The following CSF2RA variants were observed in gnomAD, a reference collection of about 807,000 sequenced individuals.
CSF2RA encodes granulocyte-macrophage colony-stimulating factor receptor subunit alpha.
Under a neutral mutation model 51.6 loss-of-function variants are expected in CSF2RA, and 42 were observed. The ratio of observed to expected loss-of-function variants is 0.81; its 90% CI spans 0.64 to 1.05. The LOEUF (loss-of-function observed/expected upper bound fraction) is 1.05, where lower values mean the gene tolerates loss of function less well. Ranked by LOEUF, CSF2RA falls within the 50% of genes least tolerant of loss-of-function variation. The pLI is 0.00. For synonymous variants in CSF2RA, 222 were observed against 193.0 expected (o/e 1.15, Z -1.24); for missense variants, 530 against 501.1 (o/e 1.06, Z -0.55).
At chrX:1,296,057 A>G (rs2091919290) in intron 9 of CSF2RA, among the ~76,000 whole-genome samples, 1 of 148,976 alleles carries the variant, frequency 6.7e-6, no homozygotes, top group Admixed American at 6.7e-5. Context: ...GCGTAACCAT[A>G]CAGTCCCCTA....
chrX:1,274,699 T>C (rs1393490913), intron 1 of CSF2RA, 56 bp from the exon 2 acceptor site: 3 of 451,722 alleles, frequency 6.6e-6, no homozygotes, highest in Non-Finnish European at 4.4e-6. Context: ...CCTAAGACAG[T>C]TTCCACTATA....
At chrX:1,279,899 C>G (rs1347107097) in intron 2 of CSF2RA, among the ~76,000 whole-genome samples, 3 of 151,898 alleles carry the variant, frequency 2.0e-5, no homozygotes, top group Non-Finnish European at 4.4e-5. Context: ...AAGCGATTCT[C>G]CTGCCTCAAC....
chrX:1,269,815 T>C (rs2088128273), intron 1 of CSF2RA, among the ~76,000 whole-genome samples: 1 of 146,612 alleles, frequency 6.8e-6, no homozygotes, highest in Admixed American at 6.8e-5. Flanking sequence ...CTTATTAAGA[T>C]AGTAAAGGGG....
intron 2 of CSF2RA, among the ~76,000 whole-genome samples, chrX:1,277,013 C>T (rs1472326967): frequency 6.6e-6 from 1 of 151,508 alleles, no homozygotes; most frequent in Non-Finnish European, 1.5e-5. Context: ...GCAGGAGGAC[C>T]ACTTGAACCT....
At chrX:1,288,385 G>A (rs1282325602) in intron 4 of CSF2RA, 134 bp from the exon 5 acceptor site, 1 of 910,040 alleles carries the variant, frequency 1.1e-6, no homozygotes, top group East Asian at 2.8e-5. Context: ...GGGAGGCTGA[G>A]GCGGGAGAAT....
chrX:1,274,661 T>C (rs1239219993), intron 1 of CSF2RA, 94 bp from the exon 2 acceptor site: 1 of 441,854 alleles, frequency 2.3e-6, no homozygotes, highest in Non-Finnish European at 4.5e-6. Context: ...TAGTACCTTA[T>C]TTACGAATAA....
At position 1,309,774 on chromosome X, in the gene CSF2RA, G is replaced by C; in HGVS notation, c.*295G>C. ...ACGGCGGCGGACGCCCATCATCCCA[G>C]CTACTTGGGAGGCTGAGGCAGGAGA... On this transcript the variant is annotated 3_prime_UTR_variant, in exon 13 of 13. Transcript: ENST00000381529. The C allele has an allele frequency of 1.5e-6, 1 of 649,264 alleles. No homozygotes were observed. Among genetic ancestry groups the C allele is most frequent in the Non-Finnish European group, 2.7e-6 (1 of 365,198 alleles). The allele number at this position is 649,264 out of a possible 1,614,324, so 40.2% of individuals were successfully genotyped here.
At position 1,287,861 on chromosome X, in the gene CSF2RA, C is replaced by A. The variant is rs778022941; in HGVS notation, c.220-658C>A. Among the ~76,000 whole-genome samples, 17 of 124,762 alleles carry A rather than the reference C, an allele frequency of 1.4e-4. 4 individuals are homozygous for A. The East Asian group carries it at 5.0e-3, about 37-fold the overall frequency. 81.8% of individuals were successfully genotyped at this position (124,762 alleles called of 152,430 possible). ...AAGAGAGTCTCCTGCCTCAGCCTCC[C>A]GAGTAGCAGGGATTACAGGTGCCTG... On this transcript the variant is annotated intron_variant, in intron 4 of 12. Coordinates refer to ENST00000381529, the MANE Select transcript of CSF2RA (RefSeq NM_172245.4).
Position 1,294,517 on chromosome X carries a change from C to T in CSF2RA, c.780+56C>T, listed in dbSNP as rs1458833450. 7.7e-5 allele frequency: 124 copies of T among 1,607,494 alleles called. 1 individual carries two copies. The Admixed American group carries it at 7.9e-4, about 10-fold the overall frequency. ...AGGAGGGAGGCGTACGGGACACGCCCGCACAGGAGCCTGGGAATCCCGGGG... is the reference window on the plus strand; with the variant it reads ...AGGAGGGAGGCGTACGGGACACGCCTGCACAGGAGCCTGGGAATCCCGGGG... On this transcript the variant is annotated intron_variant, in intron 8 of 12. Coordinates refer to ENST00000381529, the MANE Select transcript of CSF2RA (RefSeq NM_172245.4).
chrX:1,280,122 A>G (rs28465154), intron 2 of CSF2RA, among the ~76,000 whole-genome samples: 3,631 of 152,032 alleles, frequency 0.024, 145 homozygotes, highest in African/African-American at 0.083. Context: ...GGAGGTTTGG[A>G]GCAGGAACCT....
At chrX:1,325,040 G>C in the CSF2RA span, among the ~76,000 whole-genome samples, 1 of 151,818 alleles carries the variant, frequency 6.6e-6, no homozygotes, top group Admixed American at 6.6e-5. Context: ...TTTCCAGAGA[G>C]GTGTACCTGG....
chrX:1,288,691 C>T (rs1345509621), intron 5 of CSF2RA, 49 bp downstream of exon 5: 1 of 1,613,912 alleles, frequency 6.2e-7, no homozygotes, highest in African/African-American at 1.3e-5. Flanking sequence ...CCCCACCACC[C>T]CGCCAGCATC....
At chrX:1,275,951 C>T (rs754692516) in intron 2 of CSF2RA, among the ~76,000 whole-genome samples, 26 of 151,998 alleles carry the variant, frequency 1.7e-4, no homozygotes, top group African/African-American at 6.0e-4. Flanking sequence ...CCTCGGCCTC[C>T]CAAAGTGCTG....
intron 1 of CSF2RA, among the ~76,000 whole-genome samples, chrX:1,274,530 G>A (rs1403069972): frequency 5.3e-5 from 8 of 151,420 alleles, no homozygotes; most frequent in Non-Finnish European, 5.9e-5. Context: ...TCACCATGTT[G>A]GCCAGGATGG....
chrX:1,308,595 A>G (rs1360149451), intron 12 of CSF2RA, among the ~76,000 whole-genome samples: 18 of 151,902 alleles, frequency 1.2e-4, no homozygotes, highest in African/African-American at 4.4e-4. Flanking sequence ...GGTTGCCCCC[A>G]GCGCCCTCTT....
chrX:1,288,010 T>G (rs777918513), intron 4 of CSF2RA, among the ~76,000 whole-genome samples: 4 of 151,918 alleles, frequency 2.6e-5, no homozygotes, highest in East Asian at 3.9e-4. Flanking sequence ...GTGCTGGGAT[T>G]ACAGGTGTGA....
At chrX:1,299,688 T>C (rs2148581854) in intron 9 of CSF2RA, among the ~76,000 whole-genome samples, 1 of 151,542 alleles carries the variant, frequency 6.6e-6, no homozygotes, top group South Asian at 2.1e-4. Flanking sequence ...GAGGCTGAGG[T>C]GGGCGGATCA....
the CSF2RA span, among the ~76,000 whole-genome samples, chrX:1,319,293 G>A: frequency 1.3e-5 from 2 of 148,590 alleles, no homozygotes; most frequent in African/African-American, 4.9e-5. Flanking sequence ...ACCATGCCCG[G>A]CCTCCTTTTT....
rs181719822 is a variant in CSF2RA, at chrX:1,294,357, G to A, written c.676G>A (p.Val226Ile). 4.2e-4 allele frequency: 670 copies of A among 1,613,760 alleles called. No individual in the cohort carries two copies. Among genetic ancestry groups the A allele is most frequent in the Admixed American group, 8.0e-4 (48 of 59,992 alleles). Residue 226 changes from valine (V) to isoleucine (I), a missense_variant, in exon 8 of 13, where the codon GTA becomes ATA. Physicochemically the swap from Val to Ile is conservative, Grantham distance 29. Transcript: ENST00000381529. ...ATTCAACCCTCCCAGCAATGTCACC[G>A]TACGTTGCAACACGACGCACTGCCT... ...ERFNPPSNVT[V>I]RCNTTHCLVR...
Sources: allele counts gnomAD v4.1 joint callset (sites outside exome capture counted in the v4.1 genomes callset), GRCh38; gene constraint gnomAD v4.1.1; transcripts MANE v1.5; gene names NCBI Gene and HGNC (gene_info 2026-07-23, HGNC 2026-07-21).